LPP: variants seen among roughly 807,000 people sequenced by gnomAD.
LPP encodes the protein LIM domain containing preferred translocation partner in lipoma, also known as lipoma-preferred partner.
LPP carries 38 observed loss-of-function variants against 60.4 expected under a neutral mutation model. That is an observed-to-expected ratio of 0.63 (90% CI 0.49 to 0.83). LPP has a LOEUF of 0.83. LPP is among the 40% of genes least tolerant of loss of function. The probability of loss-of-function intolerance (pLI) is 0.00; values close to 1 mark genes in which losing one functional copy is unlikely to be tolerated. For synonymous variants in LPP, 328 were observed against 290.8 expected, an observed-to-expected ratio of 1.13 and a Z score of -1.30; for missense variants, 902 against 783.6, an observed-to-expected ratio of 1.15 and a Z score of -1.80.
chr3:188,250,774 C>CTTTG (rs1433195175), intron 2 of LPP, among the ~76,000 whole-genome samples: 4 of 113,366 alleles, frequency 3.5e-5, no homozygotes, highest in Admixed American at 3.4e-4. Context: ...TTCTTTCTTT[C>CTTTG]TTTCTTTCTT....
At chr3:188,235,805 G>A (rs1484057647) in intron 2 of LPP, among the ~76,000 whole-genome samples, 1 of 152,086 alleles carries the variant, frequency 6.6e-6, no homozygotes, top group African/African-American at 2.4e-5. Context: ...GTCAATGATT[G>A]GCTGTTTTTG....
intron 6 of LPP, among the ~76,000 whole-genome samples, chr3:188,531,001 A>C (rs1822043415): frequency 6.6e-6 from 1 of 152,198 alleles, no homozygotes; most frequent in Non-Finnish European, 1.5e-5. Context: ...GTTAGGGTAC[A>C]GTATTCATCT....
At chr3:188,587,745 G>T (rs910824834) in intron 6 of LPP, among the ~76,000 whole-genome samples, 43 of 152,262 alleles carry the variant, frequency 2.8e-4, no homozygotes, top group African/African-American at 9.9e-4. Flanking sequence ...AATAAGTTGC[G>T]AATCTTGTAG....
At chr3:188,486,080 A>G (rs2149691749) in intron 5 of LPP, among the ~76,000 whole-genome samples, 1 of 152,198 alleles carries the variant, frequency 6.6e-6, no homozygotes, top group Admixed American at 6.5e-5. Context: ...ATATGTATTT[A>G]TGGCATACAT....
intron 1 of LPP, among the ~76,000 whole-genome samples, chr3:188,160,839 CT>C (rs1312583344): frequency 6.6e-6 from 1 of 152,134 alleles, no homozygotes; most frequent in Non-Finnish European, 1.5e-5. Context: ...TGCTAAGGCT[CT>C]AATAAAGTAA....
At chr3:188,817,831 G>A (rs577170380) in intron 9 of LPP, among the ~76,000 whole-genome samples, 2 of 152,290 alleles carry the variant, frequency 1.3e-5, no homozygotes, top group South Asian at 4.1e-4. Flanking sequence ...AAATGTCTGG[G>A]CTCACCGCAA....
At chr3:188,465,941 TA>T (rs1800260337) in intron 4 of LPP, among the ~76,000 whole-genome samples, 1 of 152,188 alleles carries the variant, frequency 6.6e-6, no homozygotes, top group African/African-American at 2.4e-5. Context: ...CACGTGTTTT[TA>T]AGCCTTTCTA....
chr3:188,181,972 A>G (rs1257409040), intron 1 of LPP, among the ~76,000 whole-genome samples: 1 of 152,212 alleles, frequency 6.6e-6, no homozygotes, highest in Non-Finnish European at 1.5e-5. Flanking sequence ...TAGGCAACCC[A>G]GATATAATTA....
At chr3:188,498,810 C>T (rs1234071236) in intron 5 of LPP, among the ~76,000 whole-genome samples, 1 of 152,078 alleles carries the variant, frequency 6.6e-6, no homozygotes, top group Non-Finnish European at 1.5e-5. Flanking sequence ...ACGTCCTTGC[C>T]GACACTGTTT....
rs1553936326 is a variant in LPP at position 188,592,551 on chromosome 3, G to GTTTTTTTTTTTTTTT, written c.430-16605_430-16604insTTTTTTTTTTTTTTT. On this transcript the variant is annotated intron_variant, in intron 6 of 11. Coordinates refer to ENST00000617246, the MANE Select transcript of LPP (RefSeq NM_001375462.1). Reference sequence around the variant, plus strand: ...AATGAGTATCACTGTTTTTAGTTTTGTTTTTGTTTTTTAAATGGAGTCTCA... The same window carrying GTTTTTTTTTTTTTTT: ...AATGAGTATCACTGTTTTTAGTTTTGTTTTTTTTTTTTTTTTTTTTGTTTTTTAAATGGAGTCTCA... Among the ~76,000 whole-genome samples, 57 of 98,182 alleles carry GTTTTTTTTTTTTTTT rather than the reference G, an allele frequency of 5.8e-4. 1 individual carries two copies. Among genetic ancestry groups the GTTTTTTTTTTTTTTT allele is most frequent in the South Asian group, 1.8e-3 (4 of 2,228 alleles). 64.4% of individuals were successfully genotyped at this position (98,182 alleles called of 152,430 possible). A position where few individuals can be genotyped will look rare whatever the true frequency, so the allele number is the denominator to read the frequency against.
chr3:188,531,136 G>T (rs1263445272), intron 6 of LPP, among the ~76,000 whole-genome samples: 1 of 152,096 alleles, frequency 6.6e-6, no homozygotes, highest in Non-Finnish European at 1.5e-5. Flanking sequence ...CATGGTAGCT[G>T]GAGATTTAGT....
chr3:188,272,597 C>T (rs973331914), intron 2 of LPP, among the ~76,000 whole-genome samples: 1 of 152,110 alleles, frequency 6.6e-6, no homozygotes, highest in African/African-American at 2.4e-5. Context: ...AAGCTGTACA[C>T]GATGACACGG....
At chr3:188,203,540 T>TATATATAA (rs1732075104) in intron 1 of LPP, among the ~76,000 whole-genome samples, 2 of 89,912 alleles carry the variant, frequency 2.2e-5, no homozygotes, top group South Asian at 3.1e-4. Context: ...TATATTTAAA[T>TATATATAA]ATATATATAT....
intron 9 of LPP, among the ~76,000 whole-genome samples, chr3:188,793,873 C>T (rs1744563654): frequency 6.6e-6 from 1 of 152,100 alleles, no homozygotes; most frequent in Admixed American, 6.5e-5. Context: ...AATGAAGTGA[C>T]TGTCTATGTA....
chr3:188,279,429 T>C (rs139579451), intron 2 of LPP, among the ~76,000 whole-genome samples: 14 of 152,378 alleles, frequency 9.2e-5, no homozygotes, highest in South Asian at 2.1e-4. Flanking sequence ...CAATGAATTA[T>C]ATGACAGGGA....
chr3:188,753,200 A>G (rs962400099), intron 8 of LPP, among the ~76,000 whole-genome samples: 3 of 152,234 alleles, frequency 2.0e-5, no homozygotes, highest in Non-Finnish European at 4.4e-5. Context: ...AAAAAGGAGA[A>G]TAATTGGTTG....
intron 7 of LPP, among the ~76,000 whole-genome samples, chr3:188,632,962 T>C (rs765048464): frequency 2.6e-5 from 4 of 152,192 alleles, no homozygotes; most frequent in East Asian, 1.9e-4. Context: ...TTCTGAACTT[T>C]CCTTGACCCA....
chr3:188,780,708 T>TC (rs1399345827), intron 9 of LPP, among the ~76,000 whole-genome samples: 3 of 151,954 alleles, frequency 2.0e-5, no homozygotes, highest in South Asian at 4.1e-4. Context: ...GTTCCACACA[T>TC]CCCCCCTCAG....
chr3:188,580,197 A>T (rs1328600642), intron 6 of LPP, among the ~76,000 whole-genome samples: 2 of 152,144 alleles, frequency 1.3e-5, no homozygotes, highest in Non-Finnish European at 2.9e-5. Flanking sequence ...CATGAGAGTC[A>T]TACTCTTGAA....
Sources: allele counts gnomAD v4.1 joint callset (sites outside exome capture counted in the v4.1 genomes callset), GRCh38; gene constraint gnomAD v4.1.1; transcripts MANE v1.5; gene names NCBI Gene and HGNC (gene_info 2026-07-23, HGNC 2026-07-21).